Variants in PPIL1 observed in about 807,000 individuals in gnomAD.
PPIL1 encodes peptidyl-prolyl cis-trans isomerase-like 1.
PPIL1 carries 14 observed loss-of-function variants against 19.4 expected under a neutral mutation model. The observed-to-expected ratio is 0.72, with a 90% CI of 0.48 to 1.13. The LOEUF (loss-of-function observed/expected upper bound fraction) is 1.13, where lower values mean the gene tolerates loss of function less well. Among genes scored for constraint, PPIL1 ranks in the 50% most tolerant of loss-of-function variants. The pLI, the probability that PPIL1 is intolerant of heterozygous loss-of-function variation, is 0.00. For missense variants in PPIL1, 192 were observed against 218.0 expected (o/e 0.88, Z 0.75); for synonymous variants, 72 against 73.6 (o/e 0.98, Z 0.11).
Position 36,855,316 on chromosome 6 carries a change from A to C in PPIL1, c.*497T>G, listed in dbSNP as rs1583102652. On this transcript the variant is annotated 3_prime_UTR_variant, in exon 4 of 4. Coordinates refer to ENST00000373699, the MANE Select transcript of PPIL1 (RefSeq NM_016059.5). ...GGAAAATATATATAGAGATGCATAC[A>C]TTCCCTAGAAGAACAAATGTAAAAG... 6.0e-6 allele frequency: 1 copy of C among 166,428 alleles called. No homozygotes were observed. Among genetic ancestry groups the C allele is most frequent in the East Asian group, 1.5e-4 (1 of 6,518 alleles). The allele number at this position is 166,428 out of a possible 1,614,324, so 10.3% of individuals were successfully genotyped here.
At chr6:36,856,450 G>C in intron 3 of PPIL1, 136 bp downstream of exon 3, 9 of 754,456 alleles carry the variant, frequency 1.2e-5, no homozygotes. Flanking sequence ...AATCCACCAG[G>C]GCACTTCATG....
Position 36,863,312 on chromosome 6 carries a change from GAGA to G in PPIL1, c.212-6661_212-6659del, listed in dbSNP as rs757899739. ...GGAGAACCTTGCTTCTTATTTCACT[GAGA>G]AGAAGGAATTATCAGAAGAGAACTT... On this transcript the variant is annotated intron_variant, in intron 2 of 3. Transcript: ENST00000373699. Among the ~76,000 whole-genome samples, 7 of 152,218 alleles carry G rather than the reference GAGA, an allele frequency of 4.6e-5. No individual in the cohort carries two copies. In the East Asian group the frequency reaches 9.6e-4, roughly 21 times the overall value.
rs1583107372 is a variant in PPIL1 at position 36,859,624 on chromosome 6, C to T, written c.212-2970G>A. On this transcript the variant is annotated intron_variant, in intron 2 of 3. Transcript: ENST00000373699. ...GAAAGACAAATCATTCTAATTCAAA[C>T]ATTCCTCTGGGCACGTGGAATAAGT... Among the ~76,000 whole-genome samples the T allele has an allele frequency of 2.0e-5, 3 of 152,168 alleles. No homozygotes were observed. The East Asian group carries it at 5.8e-4, about 29-fold the overall frequency.
chr6:36,862,148 C>T (rs990342044), intron 2 of PPIL1, among the ~76,000 whole-genome samples: 40 of 152,202 alleles, frequency 2.6e-4, no homozygotes, highest in African/African-American at 8.7e-4. Flanking sequence ...AAGATGACCA[C>T]ACTTGGTGCT....
At chr6:36,869,909 T>A (rs947831044) in intron 2 of PPIL1, among the ~76,000 whole-genome samples, 13 of 152,160 alleles carry the variant, frequency 8.5e-5, no homozygotes, top group Non-Finnish European at 1.6e-4. Context: ...ACTACTTCCA[T>A]TTATCCTGTC....
chr6:36,855,853 A>G lies in PPIL1; in HGVS notation c.461T>C (p.Val154Ala). 1.2e-6 allele frequency: 2 copies of G among 1,614,154 alleles called. No homozygotes were observed. The highest frequency in any genetic ancestry group is 1.6e-4 in the Middle Eastern group (1 of 6,062). ...TGCCTTAATGATCTTCACGTCGTCC[A>G]CAGGGCGGTCCTGGGAGTTTGTTTC... Reference protein sequence around the residue: ...MVETNSQDRPVDDVKIIKAYP... With the variant: ...MVETNSQDRPADDVKIIKAYP... Residue 154 changes from valine (V) to alanine (A), a missense_variant, in exon 4 of 4, where the codon GTG (valine) becomes GCG (alanine). Physicochemically the swap from Val to Ala is moderately conservative, Grantham distance 64 (BLOSUM62 0). Transcript: ENST00000373699.
At chr6:36,872,778 G>A (rs936449397) in intron 1 of PPIL1, among the ~76,000 whole-genome samples, 4 of 152,032 alleles carry the variant, frequency 2.6e-5, no homozygotes, top group African/African-American at 9.7e-5. Context: ...CAGCTAATTT[G>A]TTGTATTTTT....
chr6:36,868,814 C>G (rs1774449364), intron 2 of PPIL1, among the ~76,000 whole-genome samples: 1 of 151,914 alleles, frequency 6.6e-6, no homozygotes, highest in Non-Finnish European at 1.5e-5. Context: ...CGAGCCTGGG[C>G]CTAGGTGACA....
intron 2 of PPIL1, among the ~76,000 whole-genome samples, chr6:36,865,521 C>T (rs1583114057): frequency 6.6e-6 from 1 of 152,148 alleles, no homozygotes; most frequent in Admixed American, 6.5e-5. Flanking sequence ...GGGTGGCGGG[C>T]TCCCTCCCTA....
Position 36,871,834 on chromosome 6 carries a change from G to A in PPIL1, c.95C>T (p.Ala32Val). 6.2e-7 allele frequency: 1 copy of A among 1,610,500 alleles called. No homozygotes were observed. Among genetic ancestry groups the A allele is most frequent in the Non-Finnish European group, 8.5e-7 (1 of 1,178,800 alleles). Reference protein sequence around the residue: ...IIVLELYWKHAPKTCKNFAEL... With the variant: ...IIVLELYWKHVPKTCKNFAEL... Reference sequence around the variant, plus strand: ...AGCAAAGTTCTTACAGGTCTTTGGAGCATGCTTCCAGTACAGCTCCAGCAC... The same window carrying A: ...AGCAAAGTTCTTACAGGTCTTTGGAACATGCTTCCAGTACAGCTCCAGCAC... Residue 32 changes from alanine to valine, a missense_variant, in exon 2 of 4, where the codon GCT (alanine) becomes GTT (valine). Physicochemically the swap from Ala to Val is moderately conservative, Grantham distance 64. Transcript: ENST00000373699.
intron 2 of PPIL1, among the ~76,000 whole-genome samples, chr6:36,867,295 C>A (rs1475186176): frequency 6.6e-6 from 1 of 152,036 alleles, no homozygotes; most frequent in East Asian, 1.9e-4. Context: ...CTCCCAACAC[C>A]CAATAAAGTG....
At chr6:36,863,864 C>T (rs1181852034) in intron 2 of PPIL1, among the ~76,000 whole-genome samples, 1 of 151,852 alleles carries the variant, frequency 6.6e-6, no homozygotes, top group African/African-American at 2.4e-5. Flanking sequence ...GCTTCCACGA[C>T]TCCACATTCT....
intron 2 of PPIL1, among the ~76,000 whole-genome samples, chr6:36,870,209 G>GA (rs911026738): frequency 1.3e-5 from 2 of 152,078 alleles, no homozygotes; most frequent in Admixed American, 6.5e-5. Flanking sequence ...CTGCTATAGA[G>GA]AAAACCAAAC....
Position 36,855,916 on chromosome 6 carries a change from C to T in PPIL1, c.398G>A (p.Cys133Tyr), listed in dbSNP as rs754354065. ...DGKHTIFGRV[C>Y]QGIGMVNRVG... ...GCGATTCACCATTCCTATGCCCTGA[C>T]ACACTCGGCCAAAAATGGTGTGTTT... Residue 133 changes from cysteine (C) to tyrosine (Y), a missense_variant, in exon 4 of 4, where the codon TGT becomes TAT. By Grantham distance (194) the Cys-to-Tyr change is radical. Transcript: ENST00000373699. The T allele has an allele frequency of 1.2e-6, 2 of 1,614,042 alleles. No individual in the cohort carries two copies. Among genetic ancestry groups the T allele is most frequent in the Non-Finnish European group, 1.7e-6 (2 of 1,180,038 alleles).
chr6:36,859,983 CA>C (rs1040012932), intron 2 of PPIL1, among the ~76,000 whole-genome samples: 1 of 152,118 alleles, frequency 6.6e-6, no homozygotes, highest in Non-Finnish European at 1.5e-5. Context: ...CGCCCGCCAC[CA>C]TGCCCAGCTA....
intron 2 of PPIL1, among the ~76,000 whole-genome samples, chr6:36,866,393 C>T (rs1480772361): frequency 1.3e-5 from 2 of 152,100 alleles, no homozygotes; most frequent in Non-Finnish European, 2.9e-5. Flanking sequence ...TGCTGCCCAT[C>T]TGAGATGTTT....
At position 36,855,078 on chromosome 6, in the gene PPIL1, TCTC is replaced by T. The variant is rs1774140170; in HGVS notation, c.*732_*734del. 6.5e-6 allele frequency: 1 copy of T among 152,786 alleles called. No individual in the cohort carries two copies. The highest frequency in any genetic ancestry group is 1.5e-5 in the Non-Finnish European group (1 of 68,166). 9.5% of individuals were successfully genotyped at this position (152,786 alleles called of 1,614,324 possible). A position where few individuals can be genotyped will look rare whatever the true frequency, so the allele number is the denominator to read the frequency against. ...GTCTGTCCTTTGCTCACTACAGATT[TCTC>T]CTCTTCTCTGGGAAAAAATGGTCAA... On this transcript the variant is annotated 3_prime_UTR_variant, in exon 4 of 4. Coordinates refer to ENST00000373699, the MANE Select transcript of PPIL1 (RefSeq NM_016059.5).
In PPIL1 at chr6:36,856,627, T is replaced by C. The variant is rs747936468; in HGVS notation, c.239A>G (p.Lys80Arg). The C allele has an allele frequency of 6.2e-7, 1 of 1,614,198 alleles. No homozygotes were observed. The highest frequency in any genetic ancestry group is 1.1e-5 in the South Asian group (1 of 91,086). The change falls in exon 3 of 4, where the codon AAA becomes AGA. Residue 80 changes from lysine to arginine, a missense_variant. Lys to Arg is a conservative substitution (Grantham distance 26, BLOSUM62 2). Coordinates refer to ENST00000373699, the MANE Select transcript of PPIL1 (RefSeq NM_016059.5). ...TGGATGAAGTTCATCTTCAAACTGTTTGCCATAGATAGATGCACCACCTCG... is the reference window on the plus strand; with the variant it reads ...TGGATGAAGTTCATCTTCAAACTGTCTGCCATAGATAGATGCACCACCTCG... ...TGRGGASIYG[K>R]QFEDELHPDL...
intron 2 of PPIL1, among the ~76,000 whole-genome samples, chr6:36,869,224 C>G (rs2150659297): frequency 6.6e-6 from 1 of 152,260 alleles, no homozygotes; most frequent in African/African-American, 2.4e-5. Context: ...ACTCAAGTGA[C>G]CCTCCCGCCT....
Sources: gnomAD v4.1 joint callset for allele counts (sites outside exome capture counted in the v4.1 genomes callset) on GRCh38, gnomAD v4.1.1 for gene constraint, MANE v1.5 for transcripts, NCBI Gene and HGNC (gene_info 2026-07-23, HGNC 2026-07-21) for gene names.